STK32C: variants seen among roughly 807,000 people sequenced by gnomAD.
STK32C encodes the protein serine/threonine kinase 32C.
A neutral mutation model predicts 56.5 loss-of-function variants in STK32C; 31 were observed. The ratio of observed to expected loss-of-function variants is 0.55; its 90% CI spans 0.41 to 0.74. STK32C has a LOEUF of 0.74. STK32C is among the 30% of genes least tolerant of loss of function. The probability of loss-of-function intolerance (pLI) is 0.00; values close to 1 mark genes in which losing one functional copy is unlikely to be tolerated. For missense variants in STK32C, 544 were observed against 676.9 expected (o/e 0.80, Z 2.18); for synonymous variants, 309 against 289.4 (o/e 1.07, Z -0.69).
At position 132,324,110 on chromosome 10, in the gene STK32C, G is replaced by A. The variant is rs2066455037; in HGVS notation, c.*124C>T. 6.3e-6 allele frequency: 4 copies of A among 633,814 alleles called. No homozygotes were observed. In the South Asian group the frequency reaches 7.5e-5, roughly 12 times the overall value. The allele number at this position is 633,814 out of a possible 1,614,324, so 39.3% of individuals were successfully genotyped here. ...CAAATTTCCAGCATATGAATTCCAG[G>A]GACCCACTCCAATCACAGCAGCTGG... On this transcript the variant is annotated 3_prime_UTR_variant, in exon 2 of 2. Transcript: ENST00000368619.
At chr10:132,317,197 TTA>T (rs1449032382) in intron 1 of STK32C, among the ~76,000 whole-genome samples, 1 of 152,176 alleles carries the variant, frequency 6.6e-6, no homozygotes, top group Non-Finnish European at 1.5e-5. Context: ...AATTGAAAAT[TTA>T]TATGAGAACA....
At chr10:132,263,787 A>G (rs1590314745) in intron 1 of STK32C, among the ~76,000 whole-genome samples, 1 of 146,140 alleles carries the variant, frequency 6.8e-6, no homozygotes, top group Non-Finnish European at 1.5e-5. Flanking sequence ...AACTGCTTGA[A>G]CCTGGGAGGC....
upstream of STK32C, chr10:132,331,881 A>C: frequency 8.5e-7 from 1 of 1,170,614 alleles, no homozygotes; most frequent in Non-Finnish European, 1.2e-6. Context: ...GCGCAGGCGC[A>C]CCACCCCCTG....
At chr10:132,314,676 G>GA (rs1183598755) in intron 1 of STK32C, among the ~76,000 whole-genome samples, 1 of 152,000 alleles carries the variant, frequency 6.6e-6, no homozygotes, top group Non-Finnish European at 1.5e-5. Flanking sequence ...TAAAAAGATG[G>GA]AAAAAAGATA....
intron 2 of STK32C, among the ~76,000 whole-genome samples, chr10:132,232,509 C>T (rs925750459): frequency 1.3e-5 from 2 of 152,104 alleles, no homozygotes; most frequent in Non-Finnish European, 2.9e-5. Context: ...TGGAAACCGG[C>T]GGCCTTTTAT....
intron 3 of STK32C, 46 bp downstream of exon 3, chr10:132,227,931 C>T (rs763835544): frequency 2.5e-6 from 4 of 1,601,864 alleles, no homozygotes; most frequent in South Asian, 1.1e-5. Context: ...GCCTTCCCGG[C>T]TTCAGGACGG....
At chr10:132,296,190 T>C (rs2065741649) in intron 1 of STK32C, among the ~76,000 whole-genome samples, 1 of 151,272 alleles carries the variant, frequency 6.6e-6, no homozygotes, top group Admixed American at 6.6e-5. Flanking sequence ...TTAAAGGACA[T>C]TTTACAACAC....
intron 1 of STK32C, among the ~76,000 whole-genome samples, chr10:132,261,979 T>C (rs35979418): frequency 0.24 from 36,245 of 152,012 alleles, 4,996 homozygotes; most frequent in Non-Finnish European, 0.33. Context: ...TGAGCTCAAA[T>C]AGCCAAAGCG....
intron 1 of STK32C, among the ~76,000 whole-genome samples, chr10:132,304,707 T>A (rs898232678): frequency 7.2e-5 from 11 of 152,234 alleles, no homozygotes; most frequent in African/African-American, 2.7e-4. Context: ...AATGCTTTCA[T>A]AATTAGGAAA....
intron 2 of STK32C, among the ~76,000 whole-genome samples, chr10:132,231,635 GT>G (rs2063103968): frequency 6.6e-6 from 1 of 152,220 alleles, no homozygotes. Context: ...CGGAATAAAG[GT>G]CTCTGAAGAT....
At chr10:132,254,411 G>A (rs183237940) in intron 1 of STK32C, among the ~76,000 whole-genome samples, 23 of 152,066 alleles carry the variant, frequency 1.5e-4, no homozygotes, top group African/African-American at 5.3e-4. Flanking sequence ...AAGAAGAGAG[G>A]AGAGTAAAAT....
intron 1 of STK32C, among the ~76,000 whole-genome samples, chr10:132,276,389 C>G (rs1194730714): frequency 6.6e-6 from 1 of 152,154 alleles, no homozygotes; most frequent in East Asian, 1.9e-4. Flanking sequence ...GCACCTGTGC[C>G]AGCTACACGG....
intron 1 of STK32C, among the ~76,000 whole-genome samples, chr10:132,292,174 T>C (rs1261256375): frequency 6.6e-6 from 1 of 152,170 alleles, no homozygotes; most frequent in Non-Finnish European, 1.5e-5. Context: ...ACTGCCACCC[T>C]GGACATCCAG....
At chr10:132,220,913 G>C (rs567847726) in intron 10 of STK32C, among the ~76,000 whole-genome samples, 1 of 152,330 alleles carries the variant, frequency 6.6e-6, no homozygotes, top group South Asian at 2.1e-4. Flanking sequence ...CTGCCCAAGG[G>C]GTTCACCTTA....
chr10:132,267,402 TG>T (rs1443821995), intron 1 of STK32C, among the ~76,000 whole-genome samples: 1 of 152,264 alleles, frequency 6.6e-6, no homozygotes, highest in Non-Finnish European at 1.5e-5. Context: ...TGCATGTGCA[TG>T]TATGTTTCTG....
intron 10 of STK32C, 26 bp downstream of exon 10, chr10:132,222,615 C>T (rs773410445): frequency 1.8e-5 from 29 of 1,608,960 alleles, no homozygotes; most frequent in Admixed American, 1.0e-4. Flanking sequence ...CCCGCCGCCG[C>T]GCCCTGAGCC....
chr10:132,312,729 C>T (rs2066244642), upstream of STK32C, among the ~76,000 whole-genome samples: 1 of 152,154 alleles, frequency 6.6e-6, no homozygotes. Context: ...GCCAAGGAAA[C>T]TCCAGAAAAA....
chr10:132,215,189 T>C (rs1001084002), intron 10 of STK32C, among the ~76,000 whole-genome samples: 11 of 152,160 alleles, frequency 7.2e-5, no homozygotes, highest in Admixed American at 5.9e-4. Context: ...CAGATAATTT[T>C]TTTTTGTAGA....
intron 1 of STK32C, among the ~76,000 whole-genome samples, chr10:132,253,523 GC>G (rs2063990405): frequency 7.6e-6 from 1 of 132,234 alleles, no homozygotes; most frequent in South Asian, 2.5e-4. Context: ...AGCTGAGGGA[GC>G]CGGAGGGAGC....
Sources: allele counts gnomAD v4.1 joint callset (sites outside exome capture counted in the v4.1 genomes callset), GRCh38; gene constraint gnomAD v4.1.1; transcripts MANE v1.5; gene names NCBI Gene and HGNC (gene_info 2026-07-23, HGNC 2026-07-21).